ASPRV1: variants seen among roughly 807,000 people sequenced by gnomAD.
The protein encoded by ASPRV1 is retroviral-like aspartic protease 1.
ASPRV1 carries 7 observed loss-of-function variants against 11.0 expected under a neutral mutation model. The ratio of observed to expected loss-of-function variants is 0.64; its 90% confidence interval spans 0.36 to 1.20. The LOEUF (loss-of-function observed/expected upper bound fraction) is 1.20, where lower values mean the gene tolerates loss of function less well. ASPRV1 is among the 50% of genes most tolerant of loss of function. ASPRV1 has a pLI of 0.02. For missense variants in ASPRV1, 299 were observed against 320.0 expected (o/e 0.93, Z 0.50); for synonymous variants, 136 against 138.4 (o/e 0.98, Z 0.12).
chr2:70,036,989 C>A, the ASPRV1 span, among the ~76,000 whole-genome samples: 4 of 152,284 alleles, frequency 2.6e-5, no homozygotes, highest in East Asian at 3.9e-4. Flanking sequence ...AACCAAAATA[C>A]CACCTCCCCT....
the ASPRV1 span, chr2:70,059,527 C>T: frequency 2.0e-5 from 3 of 152,154 alleles, no homozygotes; most frequent in African/African-American, 7.3e-5. Context: ...ACAATTTTTC[C>T]ATGGACAAAG....
At chr2:70,083,153 G>A in the ASPRV1 span, among the ~76,000 whole-genome samples, 1 of 152,176 alleles carries the variant, frequency 6.6e-6, no homozygotes, top group Non-Finnish European at 1.5e-5. Flanking sequence ...TGGCTAGAAA[G>A]CCTTTTGAGT....
chr2:70,075,714 C>T, the ASPRV1 span, among the ~76,000 whole-genome samples: 1 of 151,978 alleles, frequency 6.6e-6, no homozygotes, highest in Non-Finnish European at 1.5e-5. Context: ...GGCTTGGTGT[C>T]ACATGCCCGT....
chr2:70,025,413 A>G, the ASPRV1 span, among the ~76,000 whole-genome samples: 1 of 152,054 alleles, frequency 6.6e-6, no homozygotes, highest in Non-Finnish European at 1.5e-5. Flanking sequence ...AAGAGAGAGA[A>G]AAAGAGAAAA....
chr2:70,022,011 T>A, the ASPRV1 span, among the ~76,000 whole-genome samples: 1 of 150,466 alleles, frequency 6.6e-6, no homozygotes, highest in Non-Finnish European at 1.5e-5. Flanking sequence ...GCCAATACAT[T>A]TTGTTTTGTT....
At chr2:70,029,117 T>C in the ASPRV1 span, among the ~76,000 whole-genome samples, 5 of 151,948 alleles carry the variant, frequency 3.3e-5, no homozygotes, top group Non-Finnish European at 7.4e-5. Context: ...AGCAAACCCA[T>C]TGTAAGCCTG....
At chr2:69,946,477 G>A in the ASPRV1 span, among the ~76,000 whole-genome samples, 1 of 152,292 alleles carries the variant, frequency 6.6e-6, no homozygotes, top group South Asian at 2.1e-4. Flanking sequence ...GCTGCTAGGG[G>A]GATTAAGTAA....
the ASPRV1 span, among the ~76,000 whole-genome samples, chr2:70,032,853 T>C: frequency 1.3e-5 from 2 of 152,256 alleles, no homozygotes; most frequent in East Asian, 1.9e-4. Flanking sequence ...AGGAAGAGTA[T>C]AACAAAGTCC....
chr2:70,016,892 A>C, the ASPRV1 span, among the ~76,000 whole-genome samples: 1 of 152,172 alleles, frequency 6.6e-6, no homozygotes, highest in African/African-American at 2.4e-5. Flanking sequence ...CATTATGATC[A>C]ATTGGGATTT....
the ASPRV1 span, among the ~76,000 whole-genome samples, chr2:70,033,807 A>T: frequency 7.9e-5 from 12 of 152,206 alleles, no homozygotes; most frequent in Non-Finnish European, 1.5e-4. Context: ...AACAAGCCTG[A>T]AACAATTCCC....
At chr2:70,083,585 G>A in the ASPRV1 span, 1 of 152,098 alleles carries the variant, frequency 6.6e-6, no homozygotes, top group Non-Finnish European at 1.5e-5. Flanking sequence ...TCCAGGCAGG[G>A]GTGGGGCAGT....
At chr2:69,999,948 G>T in the ASPRV1 span, among the ~76,000 whole-genome samples, 950 of 152,158 alleles carry the variant, frequency 6.2e-3, 9 homozygotes, top group African/African-American at 0.022. Flanking sequence ...CATCTGCCTT[G>T]AGTTGGCCCC....
At chr2:70,075,894 C>T in the ASPRV1 span, among the ~76,000 whole-genome samples, 2 of 151,940 alleles carry the variant, frequency 1.3e-5, no homozygotes, top group Admixed American at 6.6e-5. Context: ...TGCTGTTCTG[C>T]TTCTCATCAT....
chr2:69,935,279 A>G, the ASPRV1 span: 1 of 1,066,338 alleles, frequency 9.4e-7, no homozygotes, highest in South Asian at 1.3e-5. Context: ...ACTCTTTGAG[A>G]ACTCATTCTG....
chr2:70,019,444 G>A, the ASPRV1 span, among the ~76,000 whole-genome samples: 11 of 152,150 alleles, frequency 7.2e-5, no homozygotes, highest in African/African-American at 2.7e-4. Flanking sequence ...TCAGTATGTT[G>A]AAGAGATATT....
At chr2:69,944,873 ACT>A in the ASPRV1 span, among the ~76,000 whole-genome samples, 1 of 149,120 alleles carries the variant, frequency 6.7e-6, no homozygotes, top group Non-Finnish European at 1.5e-5. Context: ...AAAGGAAGAC[ACT>A]CTCTCTATCC....
At chr2:69,949,073 G>T in the ASPRV1 span, among the ~76,000 whole-genome samples, 1 of 152,114 alleles carries the variant, frequency 6.6e-6, no homozygotes, top group Non-Finnish European at 1.5e-5. Context: ...CTTTCTATCC[G>T]CTGTCCGCGC....
At chr2:69,987,776 T>TGGTTG in the ASPRV1 span, among the ~76,000 whole-genome samples, 1 of 152,040 alleles carries the variant, frequency 6.6e-6, no homozygotes, top group Non-Finnish European at 1.5e-5. Context: ...AAATAAAGGA[T>TGGTTG]GGTTGTCTCA....
chr2:70,061,746 C>G, the ASPRV1 span, among the ~76,000 whole-genome samples: 1 of 151,682 alleles, frequency 6.6e-6, no homozygotes, highest in Non-Finnish European at 1.5e-5. Flanking sequence ...GTCAAGAGTT[C>G]AAGACTAGCC....
Sources: allele counts gnomAD v4.1 joint callset (sites outside exome capture counted in the v4.1 genomes callset), GRCh38; gene constraint gnomAD v4.1.1; transcripts MANE v1.5; gene names NCBI Gene and HGNC (gene_info 2026-07-23, HGNC 2026-07-21).